Variants in TMEM242 observed in about 807,000 individuals in gnomAD.
The protein encoded by TMEM242 is transmembrane protein 242.
TMEM242 carries 10 observed loss-of-function variants against 18.2 expected under a neutral mutation model. That is an observed-to-expected ratio of 0.55 (90% confidence interval 0.34 to 0.93). The LOEUF is 0.93. TMEM242 is among the 40% of genes least tolerant of loss of function. The pLI, the probability that TMEM242 is intolerant of heterozygous loss-of-function variation, is 0.02. For missense variants in TMEM242, 186 were observed against 175.5 expected, an observed-to-expected ratio of 1.06 and a Z score of -0.34; for synonymous variants, 57 against 69.9, an observed-to-expected ratio of 0.81 and a Z score of 0.92.
rs142027027 is a variant in TMEM242, at chr6:157,293,126, A to G, written c.328-127T>C. 1.3e-3 allele frequency: 836 copies of G among 633,452 alleles called. 6 individuals carry two copies. Among genetic ancestry groups the G allele is most frequent in the South Asian group, 8.1e-3 (421 of 52,222 alleles). The allele number at this position is 633,452 out of a possible 1,614,324, so 39.2% of individuals were successfully genotyped here. ...AGATACAGAGCTAAGGAACATCAAT[A>G]AAAGATAGGGACTATATATATCCTA... On this transcript the variant is annotated intron_variant, in intron 3 of 3. Transcript: ENST00000400788.
Position 157,292,840 on chromosome 6 carries a change from A to C in TMEM242, c.*61T>G. On this transcript the variant is annotated 3_prime_UTR_variant, in exon 4 of 4. Coordinates refer to ENST00000400788, the MANE Select transcript of TMEM242 (RefSeq NM_018452.6). ...AATCAGTCCCAGTCCTTTTGCTGTC[A>C]TGGTGTCTCCAGAGCCACCCCTTTC... 2 of 1,319,380 alleles carry C rather than the reference A, an allele frequency of 1.5e-6. No individual in the cohort carries two copies. The highest frequency in any genetic ancestry group is 2.2e-6 in the Non-Finnish European group (2 of 918,930). The allele number at this position is 1,319,380 out of a possible 1,614,324, so 81.7% of individuals were successfully genotyped here.
chr6:157,312,685 C>T, intron 3 of TMEM242, among the ~76,000 whole-genome samples: 4 of 152,064 alleles, frequency 2.6e-5, no homozygotes, highest in African/African-American at 9.7e-5. Flanking sequence ...CACCTAGCCT[C>T]ATCATAGTGT....
At chr6:157,299,644 G>T in intron 3 of TMEM242, 2 of 1,609,566 alleles carry the variant, frequency 1.2e-6, no homozygotes, top group Non-Finnish European at 8.5e-7. Context: ...GGACAATACC[G>T]GAAATCATTA....
chr6:157,322,394 G>C (rs897752030), intron 2 of TMEM242, among the ~76,000 whole-genome samples: 1 of 152,292 alleles, frequency 6.6e-6, no homozygotes, highest in Middle Eastern at 3.4e-3. Flanking sequence ...GCTTCCCAAA[G>C]TGCTGGGATT....
At chr6:157,293,110 G>T in intron 3 of TMEM242, 111 bp from the exon 4 acceptor site, 1 of 692,304 alleles carries the variant, frequency 1.4e-6, no homozygotes, top group Non-Finnish European at 2.5e-6. Context: ...CAGATACAGA[G>T]CTAAGGAACA....
intron 3 of TMEM242, among the ~76,000 whole-genome samples, chr6:157,298,793 A>G (rs1368748856): frequency 2.0e-5 from 3 of 152,218 alleles, no homozygotes; most frequent in African/African-American, 7.2e-5. Context: ...ACCAAATGCC[A>G]ACTACATATA....
Position 157,293,066 on chromosome 6 carries a change from C to T in TMEM242, c.328-67G>A, listed in dbSNP as rs1777705235. ...GGAGAAAAACAGCTATTAGAGATGG[C>T]ACCTTTGCTGACTGGCTAGTACTTC... On this transcript the variant is annotated intron_variant, in intron 3 of 3. Coordinates refer to ENST00000400788, the MANE Select transcript of TMEM242 (RefSeq NM_018452.6). 4.1e-6 allele frequency: 5 copies of T among 1,214,834 alleles called. No homozygotes were observed. In the South Asian group the frequency reaches 6.2e-5, roughly 15 times the overall value. The allele number at this position is 1,214,834 out of a possible 1,614,324, so 75.3% of individuals were successfully genotyped here. A position where few individuals can be genotyped will look rare whatever the true frequency, so the allele number is the denominator to read the frequency against.
intron 2 of TMEM242, among the ~76,000 whole-genome samples, chr6:157,322,395 T>G (rs1778510652): frequency 6.6e-6 from 1 of 152,310 alleles, no homozygotes; most frequent in Middle Eastern, 3.4e-3. Flanking sequence ...CTTCCCAAAG[T>G]GCTGGGATTA....
At chr6:157,310,850 GCA>G (rs1778016831) in intron 3 of TMEM242, among the ~76,000 whole-genome samples, 1 of 97,390 alleles carries the variant, frequency 1.0e-5, no homozygotes, top group African/African-American at 3.8e-5. Context: ...GTCCCAGTGT[GCA>G]CTCACCTAGC....
At chr6:157,304,478 AAAAAAAAAAAAAAG>A (rs1426793289) in intron 3 of TMEM242, among the ~76,000 whole-genome samples, 34 of 125,810 alleles carry the variant, frequency 2.7e-4, no homozygotes, top group Middle Eastern at 3.9e-3. Context: ...AAAAAAAAAA[AAAAAAAAAAAAAAG>A]AGAGAGAGAG....
intron 3 of TMEM242, chr6:157,300,017 G>A: frequency 1.8e-6 from 2 of 1,107,466 alleles, no homozygotes; most frequent in South Asian, 1.3e-5. Flanking sequence ...GAAGAGCCAG[G>A]CGCCCTTGAG....
intron 3 of TMEM242, among the ~76,000 whole-genome samples, chr6:157,313,268 T>C (rs868938336): frequency 1.7e-5 from 2 of 120,734 alleles, no homozygotes; most frequent in African/African-American, 6.4e-5. Flanking sequence ...GGCCTCATCA[T>C]AGTGTCCCAG....
Position 157,289,334 on chromosome 6 carries a change from C to T in TMEM242, c.*3567G>A, listed in dbSNP as rs189900951. Reference sequence around the variant, plus strand: ...TGCTTGCTTTCCTCTTCTATGCTCACAAAATCGCAGCCTTGGGCAATTAAT... The same window carrying T: ...TGCTTGCTTTCCTCTTCTATGCTCATAAAATCGCAGCCTTGGGCAATTAAT... On this transcript the variant is annotated 3_prime_UTR_variant, in exon 4 of 4. Coordinates refer to ENST00000400788, the MANE Select transcript of TMEM242 (RefSeq NM_018452.6). 18 of 152,316 alleles carry T rather than the reference C, an allele frequency of 1.2e-4. No homozygotes were observed. Among genetic ancestry groups the T allele is most frequent in the African/African-American group, 4.1e-4 (17 of 41,566 alleles). 9.4% of individuals were successfully genotyped at this position (152,316 alleles called of 1,614,324 possible).
At chr6:157,300,095 C>T (rs1777807134) in intron 3 of TMEM242, 2 of 674,198 alleles carry the variant, frequency 3.0e-6, no homozygotes, top group East Asian at 2.6e-5. Flanking sequence ...CACTCTCCGG[C>T]TGGCCTGCAC....
At chr6:157,317,690 C>T (rs918214165) in intron 3 of TMEM242, among the ~76,000 whole-genome samples, 1 of 152,150 alleles carries the variant, frequency 6.6e-6, no homozygotes, top group Non-Finnish European at 1.5e-5. Flanking sequence ...GATGTGTCAA[C>T]CTCACAAGTC....
chr6:157,292,682 T>A lies in TMEM242; in HGVS notation c.*219A>T, dbSNP rs1554246901. On this transcript the variant is annotated 3_prime_UTR_variant, in exon 4 of 4. Coordinates refer to ENST00000400788, the MANE Select transcript of TMEM242 (RefSeq NM_018452.6). ...AAGGAAGTTATTCCTGTAATTACTA[T>A]TTTTAAATAGTCTTCTTAACTGTGG... The A allele has an allele frequency of 5.2e-6, 2 of 386,166 alleles. No homozygotes were observed. The highest frequency in any genetic ancestry group is 4.1e-5 in the African/African-American group (2 of 48,630). The allele number at this position is 386,166 out of a possible 1,614,324, so 23.9% of individuals were successfully genotyped here.
intron 2 of TMEM242, among the ~76,000 whole-genome samples, chr6:157,320,796 C>T (rs1380014000): frequency 6.6e-6 from 1 of 152,102 alleles, no homozygotes; most frequent in Non-Finnish European, 1.5e-5. Flanking sequence ...TTATCAGTGG[C>T]AATAAATACT....
At position 157,291,944 on chromosome 6, in the gene TMEM242, T is replaced by C. The variant is rs1351559391; in HGVS notation, c.*957A>G. 1.3e-5 allele frequency: 2 copies of C among 152,226 alleles called. No homozygotes were observed. The highest frequency in any genetic ancestry group is 2.9e-5 in the Non-Finnish European group (2 of 68,048). 9.4% of individuals were successfully genotyped at this position (152,226 alleles called of 1,614,324 possible). A position where few individuals can be genotyped will look rare whatever the true frequency, so the allele number is the denominator to read the frequency against. On this transcript the variant is annotated 3_prime_UTR_variant, in exon 4 of 4. Coordinates refer to ENST00000400788, the MANE Select transcript of TMEM242 (RefSeq NM_018452.6). ...TAAAATACAATTGCAGTAAAAACAA[T>C]TGCATGTAGACATTATTCTCCATCT...
In TMEM242 at chr6:157,291,215, C is replaced by A. The variant is rs1461342505; in HGVS notation, c.*1686G>T. 6.6e-6 allele frequency: 1 copy of A among 152,228 alleles called. No homozygotes were observed. Among genetic ancestry groups the A allele is most frequent in the East Asian group, 1.9e-4 (1 of 5,206 alleles). The allele number at this position is 152,228 out of a possible 1,614,324, so 9.4% of individuals were successfully genotyped here. A position where few individuals can be genotyped will look rare whatever the true frequency, so the allele number is the denominator to read the frequency against. The stretch of plus-strand genomic sequence containing the variant: ...GTCTCCTTTCTCCACCCAGTGGAGG[C>A]CTTTAGAAACCACTAGGCATTCTCC... On this transcript the variant is annotated 3_prime_UTR_variant, in exon 4 of 4. Transcript: ENST00000400788.
Sources: gnomAD v4.1 joint callset for allele counts (sites outside exome capture counted in the v4.1 genomes callset) on GRCh38, gnomAD v4.1.1 for gene constraint, MANE v1.5 for transcripts, NCBI Gene and HGNC (gene_info 2026-07-23, HGNC 2026-07-21) for gene names.